ASTN2: variants seen among roughly 807,000 people sequenced by gnomAD.
The protein encoded by ASTN2 is astrotactin-2.
ASTN2 carries 54 observed loss-of-function variants against 139.8 expected under a neutral mutation model. The observed-to-expected ratio is 0.39, with a 90% CI of 0.31 to 0.48. The LOEUF (loss-of-function observed/expected upper bound fraction) is 0.48, where lower values mean the gene tolerates loss of function less well. Ranked by LOEUF, ASTN2 falls within the 20% of genes least tolerant of loss-of-function variation. The pLI is 0.95. For missense variants in ASTN2, 1,565 were observed against 1,725.1 expected, an observed-to-expected ratio of 0.91 and a Z score of 1.64; for synonymous variants, 756 against 719.5, an observed-to-expected ratio of 1.05 and a Z score of -0.81.
In ASTN2 at chr9:117,096,100, T is replaced by G; in HGVS notation, c.1220A>C (p.Asp407Ala). The G allele has an allele frequency of 6.2e-7, 1 of 1,614,130 alleles. No homozygotes were observed. Among genetic ancestry groups the G allele is most frequent in the Non-Finnish European group, 8.5e-7 (1 of 1,179,998 alleles). ...AKGTSGSEAD[D>A]ETQLTFYTEQ... ...CGTGTAGAATGTCAGCTGAGTTTCA[T>G]CGTCTGCCTCTGAGCCCGACGTCCC... Residue 407 changes from aspartate to alanine, a missense_variant, in exon 5 of 23, where the codon GAT (aspartate) becomes GCT (alanine). Transcript: ENST00000313400.
intron 20 of ASTN2, among the ~76,000 whole-genome samples, chr9:116,449,081 C>T (rs1040250957): frequency 2.6e-5 from 4 of 152,166 alleles, no homozygotes; most frequent in African/African-American, 7.2e-5. Flanking sequence ...GCAAGTTAAT[C>T]GACCTTCTCT....
intron 1 of ASTN2, among the ~76,000 whole-genome samples, chr9:117,403,684 A>T (rs1053108755): frequency 6.6e-6 from 1 of 152,060 alleles, no homozygotes; most frequent in African/African-American, 2.4e-5. Flanking sequence ...GCCACTCGTG[A>T]CTTCCCTGGG....
intron 10 of ASTN2, among the ~76,000 whole-genome samples, chr9:116,914,216 G>A (rs971877482): frequency 2.0e-5 from 3 of 152,064 alleles, no homozygotes; most frequent in Admixed American, 6.6e-5. Flanking sequence ...GCATGGCAGA[G>A]CAAAGGCTGC....
At chr9:117,149,518 C>A (rs947079703) in intron 3 of ASTN2, among the ~76,000 whole-genome samples, 1 of 152,014 alleles carries the variant, frequency 6.6e-6, no homozygotes, top group African/African-American at 2.4e-5. Flanking sequence ...TTTGTGTCCT[C>A]GGGCTTTGGA....
intron 1 of ASTN2, among the ~76,000 whole-genome samples, chr9:117,319,020 C>T (rs1812426589): frequency 6.6e-6 from 1 of 152,200 alleles, no homozygotes; most frequent in Non-Finnish European, 1.5e-5. Context: ...ATTGCTTCTT[C>T]TGAGGACTCC....
intron 16 of ASTN2, among the ~76,000 whole-genome samples, chr9:116,723,062 G>C (rs1006565725): frequency 2.0e-5 from 3 of 152,026 alleles, no homozygotes; most frequent in African/African-American, 7.2e-5. Context: ...CTACTCCGGG[G>C]ACTGAGGCAG....
intron 2 of ASTN2, among the ~76,000 whole-genome samples, chr9:117,215,241 T>C (rs773175102): frequency 7.2e-5 from 11 of 152,212 alleles, no homozygotes; most frequent in East Asian, 3.9e-4. Flanking sequence ...CATGAGACAG[T>C]AGTAGGCTGT....
chr9:117,389,631 C>T, intron 1 of ASTN2, among the ~76,000 whole-genome samples: 1 of 152,128 alleles, frequency 6.6e-6, no homozygotes, highest in African/African-American at 2.4e-5. Context: ...GAAGAAGGAC[C>T]ATATTCGACA....
At chr9:117,385,393 T>G (rs1414084433) in intron 1 of ASTN2, among the ~76,000 whole-genome samples, 3 of 152,156 alleles carry the variant, frequency 2.0e-5, no homozygotes, top group Admixed American at 2.0e-4. Context: ...TTCTAGAGTA[T>G]GTGGTCCACC....
chr9:117,356,018 C>A (rs1479724703), intron 1 of ASTN2, among the ~76,000 whole-genome samples: 1 of 152,096 alleles, frequency 6.6e-6, no homozygotes, highest in African/African-American at 2.4e-5. Context: ...CCGGTGCTTA[C>A]AAACATTTAA....
rs1235002882 is a variant in ASTN2 at position 116,964,214 on chromosome 9, GGGGT to G, written c.1889+10990_1889+10993del. On this transcript the variant is annotated intron_variant, in intron 10 of 22. Transcript: ENST00000313400. ...CTCATCTTTCTGACTAGACTGCCCT[GGGGT>G]GTGTGTGTGTGTGTGTGTGTGTGTG... is the stretch of plus-strand genomic sequence containing the variant. Among the ~76,000 whole-genome samples, 4 of 96,634 alleles carry G rather than the reference GGGGT, an allele frequency of 4.1e-5. No homozygotes were observed. In the East Asian group the frequency reaches 1.2e-3, roughly 29 times the overall value. 63.4% of individuals were successfully genotyped at this position (96,634 alleles called of 152,430 possible).
chr9:117,223,733 A>G (rs1488947971), intron 2 of ASTN2, among the ~76,000 whole-genome samples: 1 of 152,232 alleles, frequency 6.6e-6, no homozygotes, highest in Non-Finnish European at 1.5e-5. Flanking sequence ...GTGATTATGT[A>G]TGTATTCACA....
intron 13 of ASTN2, among the ~76,000 whole-genome samples, chr9:116,764,281 G>A (rs764685232): frequency 6.6e-6 from 1 of 152,148 alleles, no homozygotes; most frequent in Non-Finnish European, 1.5e-5. Flanking sequence ...CCCCTGCTCG[G>A]TATGACCCAC....
intron 2 of ASTN2, among the ~76,000 whole-genome samples, chr9:117,264,785 C>T (rs1049217136): frequency 7.2e-5 from 11 of 152,132 alleles, no homozygotes; most frequent in African/African-American, 2.7e-4. Flanking sequence ...TGCTTGTTTG[C>T]TTTTGAAAAT....
intron 10 of ASTN2, among the ~76,000 whole-genome samples, chr9:116,882,483 A>G (rs1311560062): frequency 6.6e-6 from 1 of 152,132 alleles, no homozygotes; most frequent in African/African-American, 2.4e-5. Flanking sequence ...GCAGAAAAGG[A>G]GGAGGAGGAG....
chr9:117,059,414 G>C (rs907525407), intron 5 of ASTN2, among the ~76,000 whole-genome samples: 12 of 152,002 alleles, frequency 7.9e-5, no homozygotes, highest in Middle Eastern at 3.4e-3. Context: ...GAGTTCGAGA[G>C]CAGCCTGACC....
intron 4 of ASTN2, among the ~76,000 whole-genome samples, chr9:117,132,150 C>A (rs1315983049): frequency 1.3e-5 from 2 of 151,932 alleles, no homozygotes; most frequent in African/African-American, 4.8e-5. Flanking sequence ...TGATGTGTAC[C>A]TTTTGGGCTC....
chr9:117,372,762 G>A (rs1209737074), intron 1 of ASTN2, among the ~76,000 whole-genome samples: 1 of 152,046 alleles, frequency 6.6e-6, no homozygotes, highest in African/African-American at 2.4e-5. Flanking sequence ...AACCCTTAGG[G>A]TTTGCAGCTT....
intron 2 of ASTN2, among the ~76,000 whole-genome samples, chr9:117,215,675 C>G (rs963572053): frequency 6.6e-6 from 1 of 152,064 alleles, no homozygotes; most frequent in South Asian, 2.1e-4. Flanking sequence ...CCCCATAACA[C>G]CTGTCATGAG....
Sources: gnomAD v4.1 joint callset for allele counts (sites outside exome capture counted in the v4.1 genomes callset) on GRCh38, gnomAD v4.1.1 for gene constraint, MANE v1.5 for transcripts, NCBI Gene and HGNC (gene_info 2026-07-23, HGNC 2026-07-21) for gene names.